The following PHACTR3 variants were observed in gnomAD, a reference collection of about 807,000 sequenced individuals.
PHACTR3 encodes phosphatase and actin regulator 3.
PHACTR3 carries 16 observed loss-of-function variants against 66.8 expected under a neutral mutation model. The observed-to-expected ratio is 0.24, with a 90% CI of 0.16 to 0.36. The LOEUF is 0.36. Among genes scored for constraint, PHACTR3 ranks in the 10% least tolerant of loss-of-function variants. PHACTR3 has a pLI of 1.00. For missense variants in PHACTR3, 647 were observed against 719.9 expected, an observed-to-expected ratio of 0.90 and a Z score of 1.16; for synonymous variants, 323 against 292.1, an observed-to-expected ratio of 1.11 and a Z score of -1.08.
At chr20:59,831,086 T>C (rs2042358084) in intron 8 of PHACTR3, among the ~76,000 whole-genome samples, 1 of 152,148 alleles carries the variant, frequency 6.6e-6, no homozygotes, top group Admixed American at 6.5e-5. Flanking sequence ...GCCAGGTGTG[T>C]CGTAGGTGAC....
intron 1 of PHACTR3, among the ~76,000 whole-genome samples, chr20:59,690,476 G>A (rs974023894): frequency 3.9e-5 from 6 of 152,204 alleles, no homozygotes; most frequent in African/African-American, 1.2e-4. Context: ...CTTCCTGAGA[G>A]CCAAGGTCAC....
At chr20:59,694,679 T>C (rs2037231366) in intron 1 of PHACTR3, among the ~76,000 whole-genome samples, 2 of 152,186 alleles carry the variant, frequency 1.3e-5, no homozygotes, top group Admixed American at 1.3e-4. Flanking sequence ...GGAGTAATAG[T>C]AGCACCTACC....
intron 12 of PHACTR3, among the ~76,000 whole-genome samples, chr20:59,846,672 C>CA (rs1484808748): frequency 4.4e-4 from 67 of 151,926 alleles, no homozygotes; most frequent in African/African-American, 1.5e-3. Flanking sequence ...GTATAAAGAC[C>CA]CTAAAATTAT....
intron 1 of PHACTR3, among the ~76,000 whole-genome samples, chr20:59,673,805 C>T (rs1408350374): frequency 1.3e-5 from 2 of 152,038 alleles, no homozygotes; most frequent in Non-Finnish European, 2.9e-5. Flanking sequence ...GTATCTACAC[C>T]CCTCCCAAAT....
intron 7 of PHACTR3, among the ~76,000 whole-genome samples, chr20:59,790,390 A>C (rs964743561): frequency 4.6e-5 from 7 of 152,246 alleles, no homozygotes; most frequent in African/African-American, 1.7e-4. Flanking sequence ...CAAAACCTAC[A>C]GTAATCAGAA....
intron 1 of PHACTR3, among the ~76,000 whole-genome samples, chr20:59,683,108 T>C (rs974580070): frequency 1.3e-5 from 2 of 152,112 alleles, no homozygotes; most frequent in African/African-American, 2.4e-5. Flanking sequence ...TGCAGTTGGC[T>C]GAGGGAGCAG....
chr20:59,723,439 T>G (rs1203381287), intron 1 of PHACTR3, among the ~76,000 whole-genome samples: 2 of 152,130 alleles, frequency 1.3e-5, no homozygotes, highest in Non-Finnish European at 2.9e-5. Flanking sequence ...ATTGCGGCAT[T>G]GCCAGTTTAG....
intron 1 of PHACTR3, among the ~76,000 whole-genome samples, chr20:59,709,098 C>T (rs568679196): frequency 2.0e-5 from 3 of 152,278 alleles, no homozygotes; most frequent in East Asian, 1.9e-4. Context: ...GCAGGTGTCT[C>T]AGCCTAGAAA....
chr20:59,807,398 G>C (rs971048973), intron 8 of PHACTR3, among the ~76,000 whole-genome samples: 1 of 152,228 alleles, frequency 6.6e-6, no homozygotes, highest in Admixed American at 6.5e-5. Flanking sequence ...CCCACTGGAA[G>C]ATCTTCAGGG....
chr20:59,623,001 A>AAAAAAAAAAAAAAAAAAAAAAC (rs1568940633), intron 1 of PHACTR3, among the ~76,000 whole-genome samples: 1 of 144,802 alleles, frequency 6.9e-6, no homozygotes, highest in African/African-American at 2.6e-5. Context: ...AAAAAAAAAA[A>AAAAAAAAAAAAAAAAAAAAAAC]CCCAAATCTT....
intron 1 of PHACTR3, among the ~76,000 whole-genome samples, chr20:59,709,003 C>A (rs1043253903): frequency 2.6e-5 from 4 of 152,196 alleles, no homozygotes; most frequent in African/African-American, 9.7e-5. Context: ...TTTAGCGCCA[C>A]CTTTCTGAAG....
intron 1 of PHACTR3, among the ~76,000 whole-genome samples, chr20:59,713,873 G>A (rs1377850774): frequency 6.6e-6 from 1 of 152,008 alleles, no homozygotes. Context: ...ACAGCAGCAT[G>A]GAAGTTCTAG....
intron 1 of PHACTR3, among the ~76,000 whole-genome samples, chr20:59,726,600 A>G (rs1251943748): frequency 6.6e-6 from 1 of 152,148 alleles, no homozygotes; most frequent in Admixed American, 6.5e-5. Flanking sequence ...GGATGAGGAC[A>G]TGCTTTTTGT....
In PHACTR3 at chr20:59,829,361, C is replaced by T. The variant is rs955199883; in HGVS notation, c.1329-7144C>T. On this transcript the variant is annotated intron_variant, in intron 8 of 12. Transcript: ENST00000371015. This position sits in a 1 kb window ranked among gnomAD's most constrained non-coding sequence, Gnocchi z 4.2. ...CTGGATGCCCATCCCAGGTCTTTCC[C>T]TGGGCGGTTTCTTTCATCATCCAGG... Among the ~76,000 whole-genome samples the T allele has an allele frequency of 2.0e-5, 3 of 152,198 alleles. No individual in the cohort carries two copies. Among genetic ancestry groups the T allele is most frequent in the Non-Finnish European group, 4.4e-5 (3 of 68,032 alleles).
intron 4 of PHACTR3, among the ~76,000 whole-genome samples, chr20:59,761,773 G>C (rs56101490): frequency 2.6e-5 from 4 of 152,126 alleles, no homozygotes; most frequent in Non-Finnish European, 1.5e-5. Flanking sequence ...AACTTGTGGC[G>C]CTGTGGTTGA....
Position 59,815,418 on chromosome 20 carries a change from G to GTTTT in PHACTR3, c.1328+9234_1328+9237dup, listed in dbSNP as rs538438640. Reference sequence around the variant, plus strand: ...AGACTCAGCTGTACTTGGGGTTCTGGTTTTTTTTTTTTTGTTTTTTTTTTT... The same window carrying GTTTT: ...AGACTCAGCTGTACTTGGGGTTCTGGTTTTTTTTTTTTTTTTTGTTTTTTTTTTT... On this transcript the variant is annotated intron_variant, in intron 8 of 12. Coordinates refer to ENST00000371015, the MANE Select transcript of PHACTR3 (RefSeq NM_080672.5). Among the ~76,000 whole-genome samples, 397 of 131,660 alleles carry GTTTT rather than the reference G, an allele frequency of 3.0e-3. 11 individuals are homozygous for GTTTT. The highest frequency in any genetic ancestry group is 8.0e-3 in the East Asian group (34 of 4,242). 86.4% of individuals were successfully genotyped at this position (131,660 alleles called of 152,430 possible).
At chr20:59,782,670 G>T (rs2040763152) in intron 7 of PHACTR3, among the ~76,000 whole-genome samples, 1 of 152,192 alleles carries the variant, frequency 6.6e-6, no homozygotes, top group Admixed American at 6.5e-5. Context: ...AAAACCACCA[G>T]ATCTCATGAG....
At chr20:59,760,250 A>G (rs1044107468) in intron 4 of PHACTR3, among the ~76,000 whole-genome samples, 4 of 152,058 alleles carry the variant, frequency 2.6e-5, no homozygotes, top group African/African-American at 9.7e-5. Context: ...AATGATTTTG[A>G]CCATTATTTT....
intron 1 of PHACTR3, among the ~76,000 whole-genome samples, chr20:59,624,212 T>C (rs941144079): frequency 1.3e-5 from 2 of 152,136 alleles, no homozygotes; most frequent in Admixed American, 6.5e-5. Context: ...CCCCAGGTCA[T>C]CTTTCAAGCC....
Sources: allele counts gnomAD v4.1 joint callset (sites outside exome capture counted in the v4.1 genomes callset), GRCh38; gene constraint gnomAD v4.1.1; non-coding constraint Gnocchi (gnomAD v3.1); transcripts MANE v1.5; gene names NCBI Gene and HGNC (gene_info 2026-07-23, HGNC 2026-07-21).